Variants in FAM20C observed in about 807,000 individuals in gnomAD.
FAM20C encodes extracellular serine/threonine protein kinase FAM20C.
FAM20C carries 40 observed loss-of-function variants against 51.5 expected under a neutral mutation model. That is an observed-to-expected ratio of 0.78 (90% CI 0.60 to 1.01). The LOEUF (loss-of-function observed/expected upper bound fraction) is 1.01. FAM20C is among the 50% of genes least tolerant of loss of function. The pLI, the probability that FAM20C is intolerant of heterozygous loss-of-function variation, is 0.00. For synonymous variants in FAM20C, 406 were observed against 380.6 expected (o/e 1.07, Z -0.78); for missense variants, 861 against 844.7 (o/e 1.02, Z -0.24).
intron 2 of FAM20C, among the ~76,000 whole-genome samples, chr7:198,596 G>T (rs1785990677): frequency 6.6e-6 from 1 of 152,198 alleles, no homozygotes; most frequent in South Asian, 2.1e-4. Flanking sequence ...ACCCGTGTGG[G>T]CATGCCATGA....
At chr7:248,105 CCCTCAGGGG>C (rs1406408174) in intron 4 of FAM20C, among the ~76,000 whole-genome samples, 1 of 152,210 alleles carries the variant, frequency 6.6e-6, no homozygotes, top group African/African-American at 2.4e-5. Context: ...CAGCCCCAGT[CCCTCAGGGG>C]CCTCTCCCAC....
chr7:248,302 C>G lies in FAM20C; in HGVS notation c.957-13C>G, dbSNP rs545071136. 3 of 1,530,944 alleles carry G rather than the reference C, an allele frequency of 2.0e-6. No homozygotes were observed. Among genetic ancestry groups the G allele is most frequent in the Non-Finnish European group, 1.8e-6 (2 of 1,141,802 alleles). The allele number at this position is 1,530,944 out of a possible 1,614,324, so 94.8% of individuals were successfully genotyped here. On this transcript the variant is annotated splice_polypyrimidine_tract_variant and intron_variant, in intron 4 of 9. Coordinates refer to ENST00000313766, the MANE Select transcript of FAM20C (RefSeq NM_020223.4). Reference sequence around the variant, plus strand: ...CACAGAGCACAGACCATTCCCCGCCCGTTTCTTGCCAGGATCCTGGACTTC... The same window carrying G: ...CACAGAGCACAGACCATTCCCCGCCGGTTTCTTGCCAGGATCCTGGACTTC...
At chr7:228,078 G>T (rs562343459) in intron 3 of FAM20C, 1 of 233,804 alleles carries the variant, frequency 4.3e-6, no homozygotes, top group Non-Finnish European at 8.6e-6. Flanking sequence ...CCCTTTAGCC[G>T]CACCACAGCG....
At chr7:233,412 A>G (rs1489076371) in intron 3 of FAM20C, among the ~76,000 whole-genome samples, 1 of 152,186 alleles carries the variant, frequency 6.6e-6, no homozygotes, top group Non-Finnish European at 1.5e-5. Context: ...GTGGCTGGGT[A>G]TCCTGTATTC....
rs1378562922 is a variant in FAM20C at position 247,715 on chromosome 7, C to G, written c.957-600C>G. On this transcript the variant is annotated intron_variant, in intron 4 of 9. Coordinates refer to ENST00000313766, the MANE Select transcript of FAM20C (RefSeq NM_020223.4). ...GGAGGGTCATTAGGAAACAGCCCCC[C>G]TCGGGTCCACCTGTTTATAAAACAG... Among the ~76,000 whole-genome samples the G allele has an allele frequency of 5.3e-5, 8 of 152,202 alleles. 1 individual carries two copies. The East Asian group carries it at 1.5e-3, about 29-fold the overall frequency.
intron 3 of FAM20C, among the ~76,000 whole-genome samples, chr7:214,633 GA>G (rs1483255696): frequency 6.6e-6 from 1 of 152,114 alleles, no homozygotes; most frequent in Non-Finnish European, 1.5e-5. Flanking sequence ...TCACCTCCTG[GA>G]ACTCAGCGTA....
intron 2 of FAM20C, among the ~76,000 whole-genome samples, chr7:199,857 A>T (rs989499566): frequency 6.6e-6 from 1 of 152,208 alleles, no homozygotes; most frequent in Non-Finnish European, 1.5e-5. Flanking sequence ...GCAAAGAATG[A>T]ATGACATCCC....
chr7:234,261 T>C (rs1787785261), intron 3 of FAM20C, among the ~76,000 whole-genome samples: 1 of 152,262 alleles, frequency 6.6e-6, no homozygotes, highest in Admixed American at 6.5e-5. Flanking sequence ...ACCTCAGAGC[T>C]GCGTCCTGGG....
rs1788518146 is a variant in FAM20C at position 254,549 on chromosome 7, C to CT, written c.1073-1299dup. The stretch of plus-strand genomic sequence containing the variant: ...GCATCAGAGCAGTGAACCCGCACTG[C>CT]TAGCGGGCCTGGACAGCGCTTGCAT... On this transcript the variant is annotated intron_variant, in intron 5 of 9. Transcript: ENST00000313766. Among the ~76,000 whole-genome samples, 3 of 152,378 alleles carry CT rather than the reference C, an allele frequency of 2.0e-5. No individual in the cohort carries two copies. The South Asian group carries it at 6.2e-4, about 32-fold the overall frequency.
intron 2 of FAM20C, among the ~76,000 whole-genome samples, chr7:206,065 C>T (rs944436241): frequency 5.9e-5 from 9 of 152,138 alleles, no homozygotes; most frequent in African/African-American, 2.2e-4. Flanking sequence ...CCTCCAGCCA[C>T]GTGGAGGAGC....
intron 2 of FAM20C, among the ~76,000 whole-genome samples, chr7:205,092 C>T (rs979568193): frequency 5.9e-5 from 9 of 152,222 alleles, no homozygotes; most frequent in Non-Finnish European, 7.4e-5. Context: ...GAGGCACCAC[C>T]GTACTCACCA....
At chr7:224,173 G>C (rs944403489) in intron 3 of FAM20C, among the ~76,000 whole-genome samples, 1 of 129,360 alleles carries the variant, frequency 7.7e-6, no homozygotes, top group African/African-American at 2.9e-5. Context: ...ATTCTCTCAC[G>C]GAGCAGAACG....
chr7:215,137 A>C (rs921994370), intron 3 of FAM20C, among the ~76,000 whole-genome samples: 3 of 151,610 alleles, frequency 2.0e-5, no homozygotes, highest in Non-Finnish European at 4.4e-5. Flanking sequence ...CGTGGTTAAC[A>C]GTGGGAGTTA....
At position 193,213 on chromosome 7, in the gene FAM20C, T is replaced by C. The variant is rs1160620385; in HGVS notation, c.14T>C (p.Leu5Pro). 1 of 1,458,548 alleles carries C rather than the reference T, an allele frequency of 6.9e-7. No individual in the cohort carries two copies. The highest frequency in any genetic ancestry group is 9.1e-7 in the Non-Finnish European group (1 of 1,099,784). 90.4% of individuals were successfully genotyped at this position (1,458,548 alleles called of 1,614,324 possible). A position where few individuals can be genotyped will look rare whatever the true frequency, so the allele number is the denominator to read the frequency against. ...GCCCGCGCGGCCATGAAGATGATGC[T>C]GGTGCGCCGGTTCCGCGTGCTCATC... is the stretch of plus-strand genomic sequence containing the variant. MKMMLVRRFRVLILM... is the reference protein window; with the variant it reads MKMMPVRRFRVLILM... The change falls in exon 1 of 10, where the codon CTG becomes CCG. Residue 5 changes from leucine (L) to proline (P), a missense_variant. By Grantham distance (98) the Leu-to-Pro change is moderately conservative. This residue lies in a region of FAM20C where 561 missense variants were observed against 499.8 expected (regional missense o/e 1.12). Transcript: ENST00000313766.
At position 228,607 on chromosome 7, in the gene FAM20C, C is replaced by T. The variant is rs1166550657; in HGVS notation, c.864-17808C>T. On this transcript the variant is annotated intron_variant, in intron 3 of 9. Coordinates refer to ENST00000313766, the MANE Select transcript of FAM20C (RefSeq NM_020223.4). ...CTCTGAGGGCAGCGTTTCCACAGAG[C>T]CGGTGTGAGCCAGGGGAATGACCTG... is the stretch of plus-strand genomic sequence containing the variant. 4.4e-6 allele frequency: 2 copies of T among 456,264 alleles called. 1 individual carries two copies. The highest frequency in any genetic ancestry group is 3.1e-5 in the South Asian group (2 of 64,564). The allele number at this position is 456,264 out of a possible 1,614,324, so 28.3% of individuals were successfully genotyped here.
chr7:237,298 G>T (rs1236131994), intron 3 of FAM20C, among the ~76,000 whole-genome samples: 6 of 152,230 alleles, frequency 3.9e-5, no homozygotes, highest in Admixed American at 1.3e-4. Flanking sequence ...AGAGGAGTAG[G>T]CAGGGGAAGG....
chr7:210,869 C>T (rs1786674659), intron 3 of FAM20C, among the ~76,000 whole-genome samples: 1 of 152,118 alleles, frequency 6.6e-6, no homozygotes, highest in Non-Finnish European at 1.5e-5. Flanking sequence ...TAACCCAGGC[C>T]CTGCGGGAAC....
At chr7:209,197 G>A (rs559783894) in intron 3 of FAM20C, among the ~76,000 whole-genome samples, 61 of 152,260 alleles carry the variant, frequency 4.0e-4, no homozygotes, top group Admixed American at 9.2e-4. Flanking sequence ...TTTATAGGAC[G>A]GAAAACCTAC....
chr7:196,500 G>A (rs1423739442), intron 2 of FAM20C, among the ~76,000 whole-genome samples: 1 of 152,236 alleles, frequency 6.6e-6, no homozygotes, highest in Admixed American at 6.5e-5. Flanking sequence ...AGTGGGAGCA[G>A]CTGCTCCCCG....
Sources: gnomAD v4.1 joint callset for allele counts (sites outside exome capture counted in the v4.1 genomes callset) on GRCh38, gnomAD v4.1.1 for gene constraint, gnomAD v4.1.1 regional missense constraint, MANE v1.5 for transcripts, NCBI Gene and HGNC (gene_info 2026-07-23, HGNC 2026-07-21) for gene names.